TCTN3: variants seen among roughly 807,000 people sequenced by gnomAD.
TCTN3 encodes the protein tectonic-3.
Under a neutral mutation model 71.3 loss-of-function variants are expected in TCTN3, and 57 were observed. That is an observed-to-expected ratio of 0.80 (90% CI 0.65 to 1.00). The LOEUF (loss-of-function observed/expected upper bound fraction) is 1.00, where lower values mean the gene tolerates loss of function less well. Among genes scored for constraint, TCTN3 ranks in the 50% least tolerant of loss-of-function variants. The pLI is 0.00. For synonymous variants in TCTN3, 258 were observed against 267.8 expected (o/e 0.96, Z 0.36); for missense variants, 696 against 719.9 (o/e 0.97, Z 0.38).
intron 13 of TCTN3, among the ~76,000 whole-genome samples, chr10:95,670,736 C>A (rs2097930270): frequency 6.6e-6 from 1 of 152,110 alleles, no homozygotes; most frequent in African/African-American, 2.4e-5. Context: ...AAACACGGCT[C>A]ACTGCACCCT....
Position 95,664,275 on chromosome 10 carries a change from G to T in TCTN3, c.1616C>A (p.Ser539Tyr). The T allele has an allele frequency of 6.2e-7, 1 of 1,614,070 alleles. No homozygotes were observed. Among genetic ancestry groups the T allele is most frequent in the Non-Finnish European group, 8.5e-7 (1 of 1,179,924 alleles). ...CACAAAGTTCACAAGAGTTGTCAAAGATACTTCTGTAACTTGCTGAGAATC... is the reference window on the plus strand; with the variant it reads ...CACAAAGTTCACAAGAGTTGTCAAATATACTTCTGTAACTTGCTGAGAATC... ...IQDSQQVTEV[S>Y]LTTLVNFVDI... Residue 539 changes from serine (S) to tyrosine (Y), a missense_variant, in exon 14 of 14, where the codon TCT becomes TAT. Ser to Tyr is a moderately radical substitution (Grantham distance 144). Coordinates refer to ENST00000371217, the MANE Select transcript of TCTN3 (RefSeq NM_015631.6).
At position 95,693,493 on chromosome 10, in the gene TCTN3, C is replaced by CA; in HGVS notation, c.257-18dup. On this transcript the variant is annotated splice_polypyrimidine_tract_variant and intron_variant, in intron 1 of 13. Coordinates refer to ENST00000371217, the MANE Select transcript of TCTN3 (RefSeq NM_015631.6). ...TCGGTAAGACTATGAAAGTACGACA[C>CA]AGAGTGAGTGGGATGAAGATCCCCA... The CA allele has an allele frequency of 6.4e-7, 1 of 1,552,210 alleles. No homozygotes were observed. Among genetic ancestry groups the CA allele is most frequent in the Non-Finnish European group, 8.7e-7 (1 of 1,147,094 alleles).
Position 95,663,882 on chromosome 10 carries a change from T to C in TCTN3, c.*185A>G, listed in dbSNP as rs2097923742. The C allele has an allele frequency of 1.7e-6, 1 of 579,402 alleles. No homozygotes were observed. The highest frequency in any genetic ancestry group is 3.0e-5 in the Admixed American group (1 of 33,022). 35.9% of individuals were successfully genotyped at this position (579,402 alleles called of 1,614,324 possible). ...CAGAGCCCAAAGCAGAGAGCTATGA[T>C]GAATAAAATATTTTTATTGCTTTTC... On this transcript the variant is annotated 3_prime_UTR_variant, in exon 14 of 14. Transcript: ENST00000371217.
chr10:95,677,474 G>GTTTTTTTTATTTTTTTTTTT (rs10654251), intron 13 of TCTN3, among the ~76,000 whole-genome samples: 1 of 80,738 alleles, frequency 1.2e-5, no homozygotes, highest in Admixed American at 1.5e-4. Flanking sequence ...GAAGTCTACA[G>GTTTTTTTTATTTTTTTTTTT]TTTTTTTTGT....
chr10:95,672,845 G>A (rs537638593), intron 13 of TCTN3, among the ~76,000 whole-genome samples: 6 of 151,618 alleles, frequency 4.0e-5, no homozygotes, highest in Non-Finnish European at 5.9e-5. Context: ...GGCATGCGTC[G>A]CCATGCCCAG....
chr10:95,666,542 A>G (rs1005305128), intron 13 of TCTN3, among the ~76,000 whole-genome samples: 5 of 152,244 alleles, frequency 3.3e-5, no homozygotes, highest in Non-Finnish European at 7.3e-5. Flanking sequence ...GGGAGAGGAC[A>G]TATATTCAAT....
intron 3 of TCTN3, among the ~76,000 whole-genome samples, chr10:95,692,269 G>A (rs996848671): frequency 6.6e-6 from 1 of 152,136 alleles, no homozygotes; most frequent in Non-Finnish European, 1.5e-5. Flanking sequence ...AGCACTTTGG[G>A]GGTCGAGGTG....
At position 95,683,048 on chromosome 10, in the gene TCTN3, A is replaced by ATTCC. The variant is rs1239895284; in HGVS notation, c.1298+49_1298+52dup. The stretch of plus-strand genomic sequence containing the variant: ...AATATAAAAGTTACCATATCAACAT[A>ATTCC]TTCCCTACATATTCCCGAAATTGCA... On this transcript the variant is annotated intron_variant, in intron 11 of 13. Transcript: ENST00000371217. 2.0e-6 allele frequency: 3 copies of ATTCC among 1,504,092 alleles called. No individual in the cohort carries two copies. In the East Asian group the frequency reaches 6.8e-5, roughly 34 times the overall value. The allele number at this position is 1,504,092 out of a possible 1,614,324, so 93.2% of individuals were successfully genotyped here. A position where few individuals can be genotyped will look rare whatever the true frequency, so the allele number is the denominator to read the frequency against.
At chr10:95,680,668 A>C in intron 12 of TCTN3, 59 bp from the exon 13 acceptor site, 6 of 1,580,666 alleles carry the variant, frequency 3.8e-6, no homozygotes, top group Non-Finnish European at 5.2e-6. Flanking sequence ...ATAGTCAATC[A>C]CCAAGTACTA....
At chr10:95,669,618 T>C (rs2097928862) in intron 13 of TCTN3, among the ~76,000 whole-genome samples, 1 of 152,186 alleles carries the variant, frequency 6.6e-6, no homozygotes, top group African/African-American at 2.4e-5. Context: ...CACCTCTCTA[T>C]AACTAGTTCC....
At chr10:95,682,870 G>A (rs891907664) in intron 11 of TCTN3, 66 bp from the exon 12 acceptor site, 4 of 1,533,968 alleles carry the variant, frequency 2.6e-6, no homozygotes, top group Non-Finnish European at 3.5e-6. Flanking sequence ...TATTAGTACG[G>A]TATGTTAAAC....
At position 95,665,825 on chromosome 10, in the gene TCTN3, C is replaced by T. The variant is rs984193933; in HGVS notation, c.1591-1525G>A. Among the ~76,000 whole-genome samples, 3 of 151,800 alleles carry T rather than the reference C, an allele frequency of 2.0e-5. No homozygotes were observed. In the South Asian group the frequency reaches 6.2e-4, roughly 31 times the overall value. On this transcript the variant is annotated intron_variant, in intron 13 of 13. Coordinates refer to ENST00000371217, the MANE Select transcript of TCTN3 (RefSeq NM_015631.6). ...TTCCATGTTAATCTTGCTATGTTGCCCAGGCTGATCTCAAACACCTGGCCT... is the reference window on the plus strand; with the variant it reads ...TTCCATGTTAATCTTGCTATGTTGCTCAGGCTGATCTCAAACACCTGGCCT...
Position 95,687,701 on chromosome 10 carries a change from T to G in TCTN3, c.518A>C (p.Gln173Pro). Residue 173 changes from glutamine (Q) to proline (P), a missense_variant, in exon 4 of 14, where the codon CAG becomes CCG. Transcript: ENST00000371217. The part of the protein sequence containing the change: ...HVNNSNLNYF[Q>P]KLQKVNATNF... ...GGTTGCATTGACCTTTTGAAGCTTC[T>G]GGAAATAGTTTAAGTTTGCTAAAAT... 1.9e-6 allele frequency: 3 copies of G among 1,613,596 alleles called. No homozygotes were observed. Among genetic ancestry groups the G allele is most frequent in the Non-Finnish European group, 2.5e-6 (3 of 1,179,792 alleles).
Position 95,687,669 on chromosome 10 carries a change from G to A in TCTN3, c.550C>T (p.Gln184Ter), listed in dbSNP as rs2097949767. 9 of 1,613,964 alleles carry A rather than the reference G, an allele frequency of 5.6e-6. No homozygotes were observed. Among genetic ancestry groups the A allele is most frequent in the Non-Finnish European group, 7.6e-6 (9 of 1,179,970 alleles). Residue 184 changes from glutamine (Q) to a stop codon, truncating the protein, a stop_gained, in exon 4 of 14, where the codon CAG (glutamine) becomes TAG (stop). Transcript: ENST00000371217. LOFTEE classifies it high-confidence loss of function. ...KLQKVNATNF[Q>*]ALAAEFGGES... ...CCTCCAAACTCTGCAGCCAGGGCCT[G>A]GAAGTTGGTTGCATTGACCTTTTGA...
In TCTN3 at chr10:95,693,743, C is replaced by T; in HGVS notation, c.157G>A (p.Ala53Thr). 6.4e-7 allele frequency: 1 copy of T among 1,551,674 alleles called. No homozygotes were observed. Among genetic ancestry groups the T allele is most frequent in the Non-Finnish European group, 8.7e-7 (1 of 1,146,998 alleles). ...DGGTLQSPSE[A>T]TATRPAVPGL... ...GGCACGGCCGGGCGAGTTGCAGTCG[C>T]CTCTGAAGGGGACTGGAGGGTTCCG... The change falls in exon 1 of 14, where the codon GCG (alanine) becomes ACG (threonine). Residue 53 changes from alanine to threonine, a missense_variant. Coordinates refer to ENST00000371217, the MANE Select transcript of TCTN3 (RefSeq NM_015631.6).
chr10:95,693,885 C>A lies in TCTN3; in HGVS notation c.15G>T (p.Gln5His). ...GAAAGAACACTTGCAGGAGCGCGAG[C>A]TGTGGGGTGCGCATGGGGCATTCAG... Reference protein sequence around the residue: MRTPQLALLQVFFLV... With the variant: MRTPHLALLQVFFLV... Residue 5 changes from glutamine to histidine, a missense_variant, in exon 1 of 14, where the codon CAG (glutamine) becomes CAT (histidine). By Grantham distance (24) the Gln-to-His change is conservative. Transcript: ENST00000371217. 2 of 1,551,690 alleles carry A rather than the reference C, an allele frequency of 1.3e-6. No individual in the cohort carries two copies. The highest frequency in any genetic ancestry group is 1.2e-5 in the South Asian group (1 of 84,062).
Position 95,684,595 on chromosome 10 carries a change from A to G in TCTN3, c.999T>C (p.Thr333=), listed in dbSNP as rs549194555. 1 of 1,614,102 alleles carries G rather than the reference A, an allele frequency of 6.2e-7. No individual in the cohort carries two copies. The highest frequency in any genetic ancestry group is 8.5e-7 in the Non-Finnish European group (1 of 1,179,946). ...QVTYEIETNG[T]FGIQKVSVSL... ...TGACAGAAACTTTCTGGATTCCAAA[A>G]GTCCCATTGGTCTCTATCTCATAGG... The change falls in exon 9 of 14, where the codon ACT becomes ACC. Residue 333 remains threonine (T), a synonymous_variant. Coordinates refer to ENST00000371217, the MANE Select transcript of TCTN3 (RefSeq NM_015631.6).
chr10:95,687,119 G>T lies in TCTN3; in HGVS notation c.777C>A (p.Phe259Leu), dbSNP rs779457876. The T allele has an allele frequency of 1.2e-6, 2 of 1,614,042 alleles. No homozygotes were observed. The highest frequency in any genetic ancestry group is 2.2e-5 in the East Asian group (1 of 44,880). Residue 259 changes from phenylalanine to leucine, a missense_variant, in exon 6 of 14, where the codon TTC becomes TTA. Physicochemically the swap from Phe to Leu is conservative, Grantham distance 22. Transcript: ENST00000371217. ...AGGTACAGCTACTAGCCAGGTTCTT[G>T]AAAAAACGAGTGCAAGTTGTACTTT... The part of the protein sequence containing the change: ...ESKSTTCTRF[F>L]KNLASSCTLD...
At chr10:95,665,522 C>T (rs2097924881) in intron 13 of TCTN3, among the ~76,000 whole-genome samples, 1 of 152,146 alleles carries the variant, frequency 6.6e-6, no homozygotes, top group Non-Finnish European at 1.5e-5. Flanking sequence ...CTCAAGTGAT[C>T]TGCCCAGTTC....
Sources: allele counts gnomAD v4.1 joint callset (sites outside exome capture counted in the v4.1 genomes callset), GRCh38; gene constraint gnomAD v4.1.1; transcripts MANE v1.5; gene names NCBI Gene and HGNC (gene_info 2026-07-23, HGNC 2026-07-21).